Variants in NUDC observed in about 807,000 individuals in gnomAD.
NUDC encodes the protein nuclear distribution C, dynein complex regulator, also known as nuclear migration protein nudC.
In NUDC, 14 loss-of-function variants were observed where a neutral mutation model predicts 45.0. That is an observed-to-expected ratio of 0.31 (90% CI 0.21 to 0.49). The LOEUF is 0.49. NUDC is among the 20% of genes least tolerant of loss of function. NUDC has a pLI of 0.99. For missense variants in NUDC, 323 were observed against 426.2 expected, an observed-to-expected ratio of 0.76 and a Z score of 2.13; for synonymous variants, 153 against 156.7, an observed-to-expected ratio of 0.98 and a Z score of 0.17.
rs139238058 is a variant in NUDC at position 26,942,953 on chromosome 1, G to A, written c.629G>A (p.Gly210Glu). Reference protein sequence around the residue: ...VDIQRRHLRVGLKGQPAIIDG... With the variant: ...VDIQRRHLRVELKGQPAIIDG... ...ATCCAGCGGCGGCACCTCCGGGTGG[G>A]GCTCAAGGGGCAGCCAGCGATCATT... The change falls in exon 6 of 9, where the codon GGG becomes GAG. Residue 210 changes from glycine to glutamate, a missense_variant. Transcript: ENST00000321265. 1.2e-6 allele frequency: 2 copies of A among 1,614,152 alleles called. No homozygotes were observed. The highest frequency in any genetic ancestry group is 1.7e-6 in the Non-Finnish European group (2 of 1,180,020).
At chr1:26,912,527 A>AT (rs1387896218) in intron 3 of NUDC, among the ~76,000 whole-genome samples, 1 of 152,128 alleles carries the variant, frequency 6.6e-6, no homozygotes, top group African/African-American at 2.4e-5. Flanking sequence ...TGATATGAGT[A>AT]TTTGCTACTA....
At chr1:26,905,902 C>T (rs1209844157) in intron 2 of NUDC, among the ~76,000 whole-genome samples, 5 of 152,124 alleles carry the variant, frequency 3.3e-5, no homozygotes, top group Non-Finnish European at 5.9e-5. Flanking sequence ...ATCTCAGCAC[C>T]TTGGGAGGTG....
At chr1:26,924,490 T>C (rs534043601) in intron 2 of NUDC, among the ~76,000 whole-genome samples, 48 of 152,326 alleles carry the variant, frequency 3.2e-4, no homozygotes, top group African/African-American at 1.0e-3. Context: ...AACCAGTCTG[T>C]TGTAAACCTG....
rs757488340 is a variant in NUDC, at chr1:26,941,557, G to T, written c.260G>T (p.Arg87Leu). Residue 87 changes from arginine (R) to leucine (L), a missense_variant, in exon 3 of 9, where the codon CGG (arginine) becomes CTG (leucine). Around this residue, in one of 3 missense-constraint regions of NUDC, gnomAD observed 245 missense variants for 278.8 expected, o/e 0.88. Coordinates refer to ENST00000321265, the MANE Select transcript of NUDC (RefSeq NM_006600.4). ...QEAERREKAERAARLAKEAKS... is the reference protein window; with the variant it reads ...QEAERREKAELAARLAKEAKS... Reference sequence around the variant, plus strand: ...GCCGAGCGGCGGGAGAAGGCGGAGCGGGCGGCCAGACTGGCCAAGGAAGCC... The same window carrying T: ...GCCGAGCGGCGGGAGAAGGCGGAGCTGGCGGCCAGACTGGCCAAGGAAGCC... The T allele has an allele frequency of 6.2e-7, 1 of 1,611,094 alleles. No homozygotes were observed. The highest frequency in any genetic ancestry group is 1.3e-5 in the African/African-American group (1 of 74,904).
chr1:26,935,973 A>T (rs1478073139), intron 2 of NUDC, among the ~76,000 whole-genome samples: 1 of 148,570 alleles, frequency 6.7e-6, no homozygotes, highest in East Asian at 2.0e-4. Context: ...ACAAAAAAAA[A>T]ATGTTTTGTT....
At chr1:26,901,733 T>C (rs900196093) in intron 1 of NUDC, among the ~76,000 whole-genome samples, 1 of 152,090 alleles carries the variant, frequency 6.6e-6, no homozygotes, top group Non-Finnish European at 1.5e-5. Context: ...ATTGGGTTAT[T>C]TGATTACTAT....
At position 26,941,609 on chromosome 1, in the gene NUDC, C is replaced by T. The variant is rs1314407487; in HGVS notation, c.312C>T (p.Ile104=). The T allele has an allele frequency of 6.2e-7, 1 of 1,612,546 alleles. No individual in the cohort carries two copies. Among genetic ancestry groups the T allele is most frequent in the Middle Eastern group, 1.6e-4 (1 of 6,062 alleles). Residue 104 remains isoleucine (I), a synonymous_variant, in exon 3 of 9, where the codon ATC becomes ATT. Coordinates refer to ENST00000321265, the MANE Select transcript of NUDC (RefSeq NM_006600.4). ...AGTCAGAGACCTCAGGGCCCCAGAT[C>T]AAGGAGCTAACTGATGAAGAGGCAG... ...EAKSETSGPQ[I]KELTDEEAER...
At chr1:26,908,220 G>C (rs2082010712) in intron 2 of NUDC, among the ~76,000 whole-genome samples, 1 of 151,590 alleles carries the variant, frequency 6.6e-6, no homozygotes, top group Non-Finnish European at 1.5e-5. Flanking sequence ...GATCAGCCCA[G>C]ACCTTAAGTT....
chr1:26,924,377 C>G (rs1469836390), intron 2 of NUDC, among the ~76,000 whole-genome samples: 1 of 152,120 alleles, frequency 6.6e-6, no homozygotes, highest in Non-Finnish European at 1.5e-5. Flanking sequence ...TGCAGTTCTA[C>G]AAGAGGGGCA....
At chr1:26,935,400 T>C in intron 2 of NUDC, among the ~76,000 whole-genome samples, 1 of 152,230 alleles carries the variant, frequency 6.6e-6, no homozygotes, top group East Asian at 1.9e-4. Flanking sequence ...AATTGACTCA[T>C]AGTTCTGCAT....
chr1:26,928,122 G>A (rs1043461680), intron 2 of NUDC, among the ~76,000 whole-genome samples: 1 of 152,138 alleles, frequency 6.6e-6, no homozygotes, highest in Non-Finnish European at 1.5e-5. Context: ...GAGAAAAATG[G>A]ACCAGTGAAG....
chr1:26,911,935 C>T (rs779899657), intron 3 of NUDC: 15 of 1,614,052 alleles, frequency 9.3e-6, no homozygotes, highest in Middle Eastern at 1.6e-4. Context: ...GCAGGCTGGT[C>T]GGAATGGACT....
At chr1:26,905,326 A>G (rs1242708703) in intron 2 of NUDC, among the ~76,000 whole-genome samples, 2 of 150,256 alleles carry the variant, frequency 1.3e-5, no homozygotes, top group Non-Finnish European at 3.0e-5. Flanking sequence ...ACGCCTGGCT[A>G]ATTTTTGTAT....
chr1:26,905,123 C>A (rs1229283235), intron 2 of NUDC, among the ~76,000 whole-genome samples: 4 of 148,850 alleles, frequency 2.7e-5, no homozygotes, highest in Admixed American at 1.3e-4. Context: ...CAGGCGTGAG[C>A]GACTGAGCCT....
intron 2 of NUDC, among the ~76,000 whole-genome samples, chr1:26,907,906 C>T (rs984509473): frequency 6.6e-6 from 1 of 152,146 alleles, no homozygotes; most frequent in Non-Finnish European, 1.5e-5. Flanking sequence ...AGGCCAGGTG[C>T]GGTGGCTCAT....
At chr1:26,940,251 C>T (rs577898902) in intron 2 of NUDC, among the ~76,000 whole-genome samples, 96 of 151,844 alleles carry the variant, frequency 6.3e-4, no homozygotes, top group Non-Finnish European at 9.0e-4. Flanking sequence ...CTGAGGCAGG[C>T]GGATCACTGG....
rs764548578 is a variant in NUDC at position 26,941,640 on chromosome 1, C to T, written c.343C>T (p.Leu115=). 8.1e-6 allele frequency: 13 copies of T among 1,612,022 alleles called. No homozygotes were observed. The South Asian group carries it at 1.3e-4, about 16-fold the overall frequency. Residue 115 remains leucine, a synonymous_variant, in exon 3 of 9, where the codon CTG becomes TTG. Coordinates refer to ENST00000321265, the MANE Select transcript of NUDC (RefSeq NM_006600.4). The stretch of plus-strand genomic sequence containing the variant: ...GCTAACTGATGAAGAGGCAGAGAGG[C>T]TGCAGCTAGAGATTGACCAGGTGAA... ...KELTDEEAER[L]QLEIDQKKDA... is the part of the protein sequence containing the mutation.
rs758969418 is a variant in NUDC at position 26,924,144 on chromosome 1, G to A, written c.137G>A (p.Gly46Glu). The A allele has an allele frequency of 6.2e-6, 10 of 1,613,988 alleles. No homozygotes were observed. Among genetic ancestry groups the A allele is most frequent in the African/African-American group, 1.3e-5 (1 of 74,910 alleles). ...LRRKTDFFIG[G>E]EEGMAEKLIT... ...CGCAAAACAGACTTTTTCATTGGAG[G>A]AGAAGAAGGGATGGCAGAGAAGGTA... Residue 46 changes from glycine to glutamate, a missense_variant, in exon 2 of 9, where the codon GGA (glycine) becomes GAA (glutamate). Gly to Glu is a moderately conservative substitution (Grantham distance 98). Coordinates refer to ENST00000321265, the MANE Select transcript of NUDC (RefSeq NM_006600.4).
At chr1:26,901,872 T>G (rs1013885399) in intron 1 of NUDC, among the ~76,000 whole-genome samples, 18 of 152,280 alleles carry the variant, frequency 1.2e-4, no homozygotes, top group Middle Eastern at 3.4e-3. Context: ...ACGCCTGTAA[T>G]CCCAGCACTT....
Sources: allele counts gnomAD v4.1 joint callset (sites outside exome capture counted in the v4.1 genomes callset), GRCh38; gene constraint gnomAD v4.1.1; regional missense constraint gnomAD v4.1.1; transcripts MANE v1.5; gene names NCBI Gene and HGNC (gene_info 2026-07-23, HGNC 2026-07-21).